GRIN2B: variants seen among roughly 807,000 people sequenced by gnomAD.
GRIN2B encodes the protein glutamate ionotropic receptor NMDA type subunit 2B.
A neutral mutation model predicts 114.5 loss-of-function variants in GRIN2B; 5 were observed. The ratio of observed to expected loss-of-function variants is 0.04; its 90% CI spans 0.02 to 0.09. GRIN2B has a LOEUF of 0.09. Among genes scored for constraint, GRIN2B ranks in the 10% least tolerant of loss-of-function variants. The pLI, the probability that GRIN2B is intolerant of heterozygous loss-of-function variation, is 1.00. For synonymous variants in GRIN2B, 787 were observed against 745.1 expected (o/e 1.06, Z -0.92); for missense variants, 1,108 against 1,943.5 (o/e 0.57, Z 8.08).
intron 4 of GRIN2B, among the ~76,000 whole-genome samples, chr12:13,705,114 T>C (rs1950348278): frequency 6.6e-6 from 1 of 152,168 alleles, no homozygotes; most frequent in Non-Finnish European, 1.5e-5. Flanking sequence ...ATACTCATTT[T>C]CATATATCCA....
intron 2 of GRIN2B, among the ~76,000 whole-genome samples, chr12:13,956,785 C>T (rs1485861516): frequency 6.6e-6 from 1 of 152,162 alleles, no homozygotes; most frequent in Non-Finnish European, 1.5e-5. Context: ...GAATAGCATC[C>T]ATGTCCCTTA....
At chr12:13,930,957 A>C (rs1272366775) in intron 2 of GRIN2B, among the ~76,000 whole-genome samples, 1 of 152,228 alleles carries the variant, frequency 6.6e-6, no homozygotes, top group Non-Finnish European at 1.5e-5. Context: ...TTGTCAAAAA[A>C]AAGCAATGCA....
intron 10 of GRIN2B, among the ~76,000 whole-genome samples, chr12:13,597,657 G>A (rs1949093321): frequency 1.3e-5 from 2 of 152,116 alleles, no homozygotes; most frequent in South Asian, 4.1e-4. Flanking sequence ...CACTTGCTTG[G>A]GCCCACTCCC....
intron 4 of GRIN2B, among the ~76,000 whole-genome samples, chr12:13,696,224 T>G (rs1211190695): frequency 6.6e-6 from 1 of 152,152 alleles, no homozygotes; most frequent in Non-Finnish European, 1.5e-5. Context: ...ACTGAGCTAG[T>G]ATGAGTATAC....
intron 4 of GRIN2B, among the ~76,000 whole-genome samples, chr12:13,696,564 G>A (rs997304292): frequency 2.0e-5 from 3 of 152,112 alleles, no homozygotes; most frequent in African/African-American, 2.4e-5. Flanking sequence ...CAGTCTCACC[G>A]CCACTAAAAA....
chr12:13,689,000 T>C (rs1020099830), intron 4 of GRIN2B, among the ~76,000 whole-genome samples: 2 of 152,214 alleles, frequency 1.3e-5, no homozygotes, highest in Non-Finnish European at 2.9e-5. Flanking sequence ...GTTCTCCTCC[T>C]TCATCTGTGA....
chr12:13,846,185 G>T (rs1372608334), intron 3 of GRIN2B, among the ~76,000 whole-genome samples: 1 of 152,128 alleles, frequency 6.6e-6, no homozygotes, highest in Admixed American at 6.5e-5. Flanking sequence ...CAGACCTCTT[G>T]ATTTGGTAGT....
chr12:13,806,394 T>C (rs1864601024), intron 3 of GRIN2B, among the ~76,000 whole-genome samples: 1 of 152,196 alleles, frequency 6.6e-6, no homozygotes, highest in African/African-American at 2.4e-5. Context: ...TGTTATCTCT[T>C]GTATTTTTCA....
intron 2 of GRIN2B, among the ~76,000 whole-genome samples, chr12:13,895,738 G>A (rs761270975): frequency 3.9e-5 from 6 of 152,128 alleles, no homozygotes; most frequent in Admixed American, 3.3e-4. Context: ...TTTTCAAGGT[G>A]ACTTATTAAG....
At chr12:13,633,973 G>A (rs1248162994) in intron 5 of GRIN2B, among the ~76,000 whole-genome samples, 1 of 152,054 alleles carries the variant, frequency 6.6e-6, no homozygotes, top group Non-Finnish European at 1.5e-5. Flanking sequence ...TCCATTTATG[G>A]ATAATAAAAA....
intron 3 of GRIN2B, among the ~76,000 whole-genome samples, chr12:13,802,749 A>T (rs12370138): frequency 0.3 from 46,360 of 152,058 alleles, 7,591 homozygotes; most frequent in South Asian, 0.38. Context: ...TTTTTGTTTT[A>T]TATATTGCAC....
intron 3 of GRIN2B, among the ~76,000 whole-genome samples, chr12:13,803,404 A>G (rs548277850): frequency 2.2e-4 from 33 of 152,230 alleles, no homozygotes; most frequent in Non-Finnish European, 4.1e-4. Flanking sequence ...TGCATGCAAG[A>G]TCTGCTATTC....
chr12:13,936,047 G>A (rs1473108148), intron 2 of GRIN2B, among the ~76,000 whole-genome samples: 2 of 152,168 alleles, frequency 1.3e-5, no homozygotes, highest in African/African-American at 4.8e-5. Flanking sequence ...AGCTAAAAAG[G>A]CTAGAATCTG....
intron 2 of GRIN2B, among the ~76,000 whole-genome samples, chr12:13,870,429 A>C (rs1286271900): frequency 6.6e-6 from 1 of 152,134 alleles, no homozygotes; most frequent in Non-Finnish European, 1.5e-5. Context: ...CATAGCAAAC[A>C]GAAGGCCACA....
intron 2 of GRIN2B, among the ~76,000 whole-genome samples, chr12:13,884,860 T>C (rs1866129488): frequency 6.6e-6 from 1 of 152,218 alleles, no homozygotes; most frequent in South Asian, 2.1e-4. Flanking sequence ...GAAATATTTC[T>C]TTCCACTCTT....
intron 3 of GRIN2B, among the ~76,000 whole-genome samples, chr12:13,812,721 G>A (rs1864755383): frequency 6.6e-6 from 1 of 151,920 alleles, no homozygotes; most frequent in South Asian, 2.1e-4. Flanking sequence ...GAAAATGAAA[G>A]GTAAGATCAG....
intron 4 of GRIN2B, among the ~76,000 whole-genome samples, chr12:13,707,627 C>T (rs1950372652): frequency 6.6e-6 from 1 of 152,030 alleles, no homozygotes; most frequent in Non-Finnish European, 1.5e-5. Flanking sequence ...CTTATCAGAT[C>T]TCTTGCACCA....
intron 10 of GRIN2B, among the ~76,000 whole-genome samples, chr12:13,595,212 G>T (rs1949057070): frequency 6.6e-6 from 1 of 152,134 alleles, no homozygotes. Context: ...TGGCTGAATG[G>T]TACAGGTCTT....
At chr12:13,806,984 G>C (rs1452196065) in intron 3 of GRIN2B, among the ~76,000 whole-genome samples, 2 of 151,468 alleles carry the variant, frequency 1.3e-5, no homozygotes, top group African/African-American at 2.4e-5. Context: ...GCCATGACAG[G>C]GCAAGACTCC....
Sources: allele counts gnomAD v4.1 joint callset (sites outside exome capture counted in the v4.1 genomes callset), GRCh38; gene constraint gnomAD v4.1.1; transcripts MANE v1.5; gene names NCBI Gene and HGNC (gene_info 2026-07-23, HGNC 2026-07-21).